The following SLC27A2 variants were observed in gnomAD, a reference collection of about 807,000 sequenced individuals.
SLC27A2 encodes the protein long-chain fatty acid transport protein 2.
In SLC27A2, 54 loss-of-function variants were observed where a neutral mutation model predicts 60.0. That is an observed-to-expected ratio of 0.90 (90% CI 0.72 to 1.13). The LOEUF is 1.13. Ranked by LOEUF, SLC27A2 falls within the 50% of genes most tolerant of loss-of-function variation. The pLI is 0.00. For missense variants in SLC27A2, 739 were observed against 777.6 expected, an observed-to-expected ratio of 0.95 and a Z score of 0.59; for synonymous variants, 297 against 297.6, an observed-to-expected ratio of 1.00 and a Z score of 0.02.
At chr15:50,201,441 GAGAA>G (rs546054087) in intron 2 of SLC27A2, among the ~76,000 whole-genome samples, 53 of 152,214 alleles carry the variant, frequency 3.5e-4, no homozygotes, top group African/African-American at 1.2e-3. Flanking sequence ...TGAAGGAGCT[GAGAA>G]AGAGAATAAA....
rs757738215 is a variant in SLC27A2 at position 50,222,978 on chromosome 15, G to A, written c.986G>A (p.Arg329His). Reference protein sequence around the residue: ...LCNSPQKPNDRDHKVRLALGN... With the variant: ...LCNSPQKPNDHDHKVRLALGN... The stretch of plus-strand genomic sequence containing the variant: ...CCCCCACCACAGAAACCAAATGACC[G>A]TGATCATAAAGTGAGACTGGCACTG... Residue 329 changes from arginine (R) to histidine (H), a missense_variant, in exon 5 of 10, where the codon CGT becomes CAT. Physicochemically the swap from Arg to His is conservative, Grantham distance 29. Transcript: ENST00000267842. The A allele has an allele frequency of 2.0e-5, 32 of 1,609,098 alleles. No homozygotes were observed. The highest frequency in any genetic ancestry group is 1.7e-4 in the Middle Eastern group (1 of 6,054).
At chr15:50,185,965 C>A (rs972865585) in intron 1 of SLC27A2, among the ~76,000 whole-genome samples, 9 of 151,786 alleles carry the variant, frequency 5.9e-5, no homozygotes, top group Non-Finnish European at 8.8e-5. Flanking sequence ...AGGCTGGACA[C>A]TATGGCTCAC....
chr15:50,228,001 A>AT (rs2045289188), intron 7 of SLC27A2, among the ~76,000 whole-genome samples: 1 of 152,144 alleles, frequency 6.6e-6, no homozygotes, highest in South Asian at 2.1e-4. Context: ...GGGTCCTTCC[A>AT]TCTCTACTAT....
chr15:50,219,965 G>C (rs1286508327), intron 4 of SLC27A2, among the ~76,000 whole-genome samples: 1 of 152,198 alleles, frequency 6.6e-6, no homozygotes, highest in Non-Finnish European at 1.5e-5. Flanking sequence ...GAGAAACACT[G>C]TTCGCCCTAT....
chr15:50,217,244 G>A (rs1241098450), intron 4 of SLC27A2, among the ~76,000 whole-genome samples: 4 of 151,942 alleles, frequency 2.6e-5, no homozygotes, highest in Non-Finnish European at 5.9e-5. Flanking sequence ...AAGAACTTAT[G>A]GAAAAATAAA....
At chr15:50,197,853 C>A in intron 2 of SLC27A2, 144 bp downstream of exon 2, 1 of 630,990 alleles carries the variant, frequency 1.6e-6, no homozygotes, top group Non-Finnish European at 2.8e-6. Flanking sequence ...GGGAACTGAT[C>A]TTATTTCATA....
chr15:50,214,002 A>AC (rs535198414), intron 4 of SLC27A2, among the ~76,000 whole-genome samples: 1 of 145,478 alleles, frequency 6.9e-6, no homozygotes. Flanking sequence ...AAACAAACAA[A>AC]AAAAAAGATA....
intron 3 of SLC27A2, among the ~76,000 whole-genome samples, chr15:50,202,976 T>G (rs1397592485): frequency 6.7e-6 from 1 of 148,594 alleles, no homozygotes; most frequent in Admixed American, 6.7e-5. Flanking sequence ...GGCCAGGAGT[T>G]CAAGACCAGC....
chr15:50,206,498 G>C (rs2045113136), intron 4 of SLC27A2, among the ~76,000 whole-genome samples: 1 of 152,138 alleles, frequency 6.6e-6, no homozygotes, highest in Non-Finnish European at 1.5e-5. Context: ...TCTTCCCCCA[G>C]GTCTCTCTCA....
intron 4 of SLC27A2, among the ~76,000 whole-genome samples, chr15:50,211,331 C>G (rs553691954): frequency 2.0e-5 from 3 of 152,160 alleles, no homozygotes; most frequent in Non-Finnish European, 2.9e-5. Context: ...CCCCCAGTAC[C>G]AGCCCAGAGC....
intron 3 of SLC27A2, among the ~76,000 whole-genome samples, chr15:50,203,837 C>G (rs1339797109): frequency 6.6e-6 from 1 of 152,064 alleles, no homozygotes; most frequent in Non-Finnish European, 1.5e-5. Context: ...CAGCTTCTTT[C>G]CTGACTCTGT....
intron 1 of SLC27A2, among the ~76,000 whole-genome samples, chr15:50,185,146 A>G (rs979085760): frequency 1.3e-5 from 2 of 152,204 alleles, no homozygotes; most frequent in Non-Finnish European, 2.9e-5. Context: ...GGATTAAATG[A>G]CCATAATACA....
chr15:50,227,583 C>T (rs763173368), intron 7 of SLC27A2, among the ~76,000 whole-genome samples: 1 of 152,112 alleles, frequency 6.6e-6, no homozygotes, highest in Non-Finnish European at 1.5e-5. Flanking sequence ...GTGAGGGGTT[C>T]GGAGCCCCTT....
At chr15:50,235,876 A>G (rs1266740608) in intron 9 of SLC27A2, 44 bp from the exon 10 acceptor site, 2 of 1,545,072 alleles carry the variant, frequency 1.3e-6, no homozygotes, top group East Asian at 4.6e-5. Flanking sequence ...ATCCTAATCT[A>G]TTGCAAAATG....
chr15:50,228,330 TTGCACCAC>T (rs200920611), intron 7 of SLC27A2, among the ~76,000 whole-genome samples: 2,516 of 141,764 alleles, frequency 0.018, 30 homozygotes, highest in Middle Eastern at 0.028. Context: ...TGAGCTGAGA[TTGCACCAC>T]TGCACTCCAG....
At chr15:50,228,743 T>A (rs1371708746) in intron 7 of SLC27A2, among the ~76,000 whole-genome samples, 2 of 152,212 alleles carry the variant, frequency 1.3e-5, no homozygotes, top group Non-Finnish European at 2.9e-5. Context: ...ATTCCATATT[T>A]TGTTATCTAG....
chr15:50,205,317 T>C lies in SLC27A2; in HGVS notation c.926T>C (p.Ile309Thr). 6.2e-7 allele frequency: 1 copy of C among 1,611,246 alleles called. No homozygotes were observed. The highest frequency in any genetic ancestry group is 1.7e-4 in the Middle Eastern group (1 of 6,046). The change falls in exon 4 of 10, where the codon ATT becomes ACT. Residue 309 changes from isoleucine (I) to threonine (T), a missense_variant. Ile to Thr is a moderately conservative substitution (Grantham distance 89, BLOSUM62 -1). Transcript: ENST00000267842. Reference sequence around the variant, plus strand: ...TGCAGAAAATACAACGTCACTGTCATTCAGTATATCGGTGAACTGCTTCGG... The same window carrying C: ...TGCAGAAAATACAACGTCACTGTCACTCAGTATATCGGTGAACTGCTTCGG... ...DDCRKYNVTV[I>T]QYIGELLRYL...
chr15:50,209,941 A>G (rs1392417075), intron 4 of SLC27A2, among the ~76,000 whole-genome samples: 1 of 152,210 alleles, frequency 6.6e-6, no homozygotes, highest in Non-Finnish European at 1.5e-5. Context: ...CTAAAAGATA[A>G]CAGTGACTGA....
chr15:50,182,624 C>A lies in SLC27A2; in HGVS notation c.197C>A (p.Thr66Lys). Residue 66 changes from threonine (T) to lysine (K), a missense_variant, in exon 1 of 10, where the codon ACG (threonine) becomes AAG (lysine). Physicochemically the swap from Thr to Lys is moderately conservative, Grantham distance 78 (BLOSUM62 -1). Transcript: ENST00000267842. ...LRAFLEKARQ[T>K]PHKPFLLFRD... Reference sequence around the variant, plus strand: ...GCGTTCCTGGAGAAAGCGCGCCAGACGCCACACAAGCCTTTTCTGCTCTTC... The same window carrying A: ...GCGTTCCTGGAGAAAGCGCGCCAGAAGCCACACAAGCCTTTTCTGCTCTTC... 1 of 1,613,938 alleles carries A rather than the reference C, an allele frequency of 6.2e-7. No homozygotes were observed. The highest frequency in any genetic ancestry group is 8.5e-7 in the Non-Finnish European group (1 of 1,179,880).
Sources: gnomAD v4.1 joint callset for allele counts (sites outside exome capture counted in the v4.1 genomes callset) on GRCh38, gnomAD v4.1.1 for gene constraint, MANE v1.5 for transcripts, NCBI Gene and HGNC (gene_info 2026-07-23, HGNC 2026-07-21) for gene names.